FAF1: variants seen among roughly 807,000 people sequenced by gnomAD.
FAF1 encodes the protein FAS-associated factor 1.
In FAF1, 25 loss-of-function variants were observed where a neutral mutation model predicts 92.5. That is an observed-to-expected ratio of 0.27 (90% CI 0.20 to 0.38). The LOEUF (loss-of-function observed/expected upper bound fraction) is 0.38. Among genes scored for constraint, FAF1 ranks in the 10% least tolerant of loss-of-function variants. The probability of loss-of-function intolerance (pLI) is 1.00; values close to 1 mark genes in which losing one functional copy is unlikely to be tolerated. For missense variants in FAF1, 636 were observed against 793.3 expected, an observed-to-expected ratio of 0.80 and a Z score of 2.38; for synonymous variants, 234 against 273.2, an observed-to-expected ratio of 0.86 and a Z score of 1.42.
At chr1:50,886,524 C>T (rs897931019) in intron 1 of FAF1, among the ~76,000 whole-genome samples, 1 of 152,004 alleles carries the variant, frequency 6.6e-6, no homozygotes, top group African/African-American at 2.4e-5. Context: ...GCTATCCCTC[C>T]CCACTCCCCC....
intron 8 of FAF1, among the ~76,000 whole-genome samples, chr1:50,617,857 G>A (rs1653002038): frequency 6.6e-6 from 1 of 151,876 alleles, no homozygotes; most frequent in African/African-American, 2.4e-5. Flanking sequence ...TCTATTCAGG[G>A]ATTCAATTTC....
At chr1:50,584,475 A>G (rs890566701) in intron 10 of FAF1, among the ~76,000 whole-genome samples, 3 of 152,176 alleles carry the variant, frequency 2.0e-5, no homozygotes, top group African/African-American at 7.2e-5. Context: ...TGCATTTTTA[A>G]TGAATTTTCC....
intron 6 of FAF1, among the ~76,000 whole-genome samples, chr1:50,734,186 A>G (rs1333303714): frequency 6.6e-6 from 1 of 152,196 alleles, no homozygotes; most frequent in African/African-American, 2.4e-5. Context: ...CTTCTCAAGT[A>G]TCTTACCTTG....
intron 7 of FAF1, among the ~76,000 whole-genome samples, chr1:50,659,960 A>G (rs1394311743): frequency 1.3e-5 from 2 of 152,234 alleles, no homozygotes; most frequent in Non-Finnish European, 2.9e-5. Context: ...ACCTGTTTAT[A>G]TACTATAATT....
At chr1:50,712,366 G>A (rs571663199) in intron 6 of FAF1, among the ~76,000 whole-genome samples, 1 of 151,970 alleles carries the variant, frequency 6.6e-6, no homozygotes, top group African/African-American at 2.4e-5. Flanking sequence ...TAAGAAATAC[G>A]CTATGTTTGC....
chr1:50,660,410 A>G (rs1428373991), intron 7 of FAF1, among the ~76,000 whole-genome samples: 2 of 152,328 alleles, frequency 1.3e-5, no homozygotes, highest in Admixed American at 1.3e-4. Context: ...AATGTCATTC[A>G]GGTATTATTC....
At chr1:50,717,361 G>C (rs1196374018) in intron 6 of FAF1, among the ~76,000 whole-genome samples, 1 of 152,156 alleles carries the variant, frequency 6.6e-6, no homozygotes, top group Non-Finnish European at 1.5e-5. Context: ...AGACAGATAA[G>C]AGCTTTCTCT....
At chr1:50,867,237 A>C (rs1316340874) in intron 1 of FAF1, among the ~76,000 whole-genome samples, 1 of 152,218 alleles carries the variant, frequency 6.6e-6, no homozygotes, top group African/African-American at 2.4e-5. Context: ...CAACTCAAGA[A>C]GATAACATTG....
chr1:50,575,100 G>A (rs1650663060), intron 12 of FAF1, among the ~76,000 whole-genome samples: 1 of 151,786 alleles, frequency 6.6e-6, no homozygotes, highest in South Asian at 2.1e-4. Context: ...AATAGAGACG[G>A]GGTTTCACCG....
intron 4 of FAF1, among the ~76,000 whole-genome samples, chr1:50,761,662 T>A (rs547174152): frequency 1.3e-5 from 2 of 152,300 alleles, no homozygotes; most frequent in South Asian, 4.1e-4. Flanking sequence ...AAACTCTCAA[T>A]AAATTCGGTA....
intron 4 of FAF1, among the ~76,000 whole-genome samples, chr1:50,759,250 T>C (rs1176791587): frequency 6.6e-6 from 1 of 151,598 alleles, no homozygotes; most frequent in South Asian, 2.1e-4. Flanking sequence ...GCTGCACCCA[T>C]TAACTCGTCA....
intron 4 of FAF1, among the ~76,000 whole-genome samples, chr1:50,765,469 G>T (rs898557250): frequency 6.6e-6 from 1 of 151,836 alleles, no homozygotes; most frequent in African/African-American, 2.4e-5. Flanking sequence ...TAAGGATAGG[G>T]GACTCTGCTC....
chr1:50,938,344 A>G (rs1645103561), intron 1 of FAF1, among the ~76,000 whole-genome samples: 1 of 152,224 alleles, frequency 6.6e-6, no homozygotes, highest in African/African-American at 2.4e-5. Flanking sequence ...GTAGGAATGT[A>G]TATGAAACTG....
chr1:50,745,069 C>A (rs1343205936), intron 4 of FAF1, among the ~76,000 whole-genome samples: 1 of 152,128 alleles, frequency 6.6e-6, no homozygotes, highest in South Asian at 2.1e-4. Flanking sequence ...GGGCAGATCA[C>A]CTGAGACCAG....
chr1:50,885,405 T>C (rs147322251), intron 1 of FAF1, among the ~76,000 whole-genome samples: 101 of 152,168 alleles, frequency 6.6e-4, no homozygotes, highest in Non-Finnish European at 1.3e-3. Flanking sequence ...ACAATTGTTA[T>C]GGCCTCGCTG....
chr1:50,747,730 A>G (rs1659685444), intron 4 of FAF1, among the ~76,000 whole-genome samples: 1 of 152,220 alleles, frequency 6.6e-6, no homozygotes, highest in Non-Finnish European at 1.5e-5. Flanking sequence ...ATCCCCAATC[A>G]TGTTAAATTA....
chr1:50,883,122 C>A (rs72692208), intron 1 of FAF1, among the ~76,000 whole-genome samples: 2,026 of 152,062 alleles, frequency 0.013, 19 homozygotes, highest in Middle Eastern at 0.02. Flanking sequence ...CCCCTATTTA[C>A]GCACCTAGGA....
chr1:50,760,222 C>T (rs1660267947), intron 4 of FAF1, among the ~76,000 whole-genome samples: 1 of 151,980 alleles, frequency 6.6e-6, no homozygotes, highest in Admixed American at 6.6e-5. Flanking sequence ...ACTTAGACTC[C>T]CACACATTAA....
intron 7 of FAF1, among the ~76,000 whole-genome samples, chr1:50,672,249 G>C (rs1655926776): frequency 6.6e-6 from 1 of 151,864 alleles, no homozygotes; most frequent in African/African-American, 2.4e-5. Flanking sequence ...GTTTATCTTG[G>C]CCAGGCTGGT....
Sources: allele counts gnomAD v4.1 joint callset (sites outside exome capture counted in the v4.1 genomes callset), GRCh38; gene constraint gnomAD v4.1.1; transcripts MANE v1.5; gene names NCBI Gene and HGNC (gene_info 2026-07-23, HGNC 2026-07-21).